NFIA: variants seen among roughly 807,000 people sequenced by gnomAD.
NFIA encodes nuclear factor I A.
A neutral mutation model predicts 62.8 loss-of-function variants in NFIA; 8 were observed. That is an observed-to-expected ratio of 0.13 (90% confidence interval 0.07 to 0.23). The LOEUF (loss-of-function observed/expected upper bound fraction) is 0.23. Ranked by LOEUF, NFIA falls within the 10% of genes least tolerant of loss-of-function variation. The probability of loss-of-function intolerance (pLI) is 1.00; values close to 1 mark genes in which losing one functional copy is unlikely to be tolerated. For synonymous variants in NFIA, 235 were observed against 238.1 expected (o/e 0.99, Z 0.12); for missense variants, 410 against 642.1 (o/e 0.64, Z 3.91).
At chr1:61,404,326 G>A (rs1007716245) in intron 8 of NFIA, 44 bp downstream of exon 8, 18 of 1,529,596 alleles carry the variant, frequency 1.2e-5, no homozygotes, top group African/African-American at 2.8e-5. Flanking sequence ...AATGTTAGCC[G>A]AATATAAAAA....
intron 3 of NFIA, among the ~76,000 whole-genome samples, chr1:61,308,588 G>C (rs1484850933): frequency 6.6e-6 from 1 of 152,172 alleles, no homozygotes; most frequent in Non-Finnish European, 1.5e-5. Flanking sequence ...GGTACAGTGA[G>C]GATGGTGCCC....
chr1:61,264,858 G>A (rs1657059931), intron 2 of NFIA, among the ~76,000 whole-genome samples: 1 of 152,064 alleles, frequency 6.6e-6, no homozygotes. Context: ...TGTAGATAGT[G>A]TACTTAGGTG....
intron 3 of NFIA, among the ~76,000 whole-genome samples, chr1:61,302,982 T>TA (rs1471647598): frequency 6.6e-6 from 1 of 152,242 alleles, no homozygotes; most frequent in Non-Finnish European, 1.5e-5. Context: ...CTCCACATTC[T>TA]AAAAATGCTT....
chr1:61,371,841 G>A (rs991478634), intron 6 of NFIA, among the ~76,000 whole-genome samples: 22 of 152,166 alleles, frequency 1.4e-4, no homozygotes, highest in African/African-American at 5.3e-4. Flanking sequence ...CAGCCTAGTT[G>A]TAGTGCCCAA....
chr1:61,243,004 G>C (rs539901481), intron 2 of NFIA, among the ~76,000 whole-genome samples: 1 of 151,752 alleles, frequency 6.6e-6, no homozygotes, highest in Admixed American at 6.6e-5. Context: ...GTGACTTTTC[G>C]GTCCTTTTTT....
chr1:61,194,436 C>A (rs914589775), intron 2 of NFIA, among the ~76,000 whole-genome samples: 1 of 152,114 alleles, frequency 6.6e-6, no homozygotes. Flanking sequence ...ATGTCTTTGC[C>A]TTGTATTTTG....
intron 2 of NFIA, among the ~76,000 whole-genome samples, chr1:61,177,254 C>T (rs541672438): frequency 1.3e-5 from 2 of 152,222 alleles, no homozygotes; most frequent in South Asian, 4.1e-4. Flanking sequence ...CTGTATTTCC[C>T]TCCTTCCCAC....
chr1:61,280,586 T>C (rs1412859999), intron 3 of NFIA, among the ~76,000 whole-genome samples: 1 of 152,238 alleles, frequency 6.6e-6, no homozygotes. Flanking sequence ...GGTAACACGC[T>C]GTTTCATCCC....
intron 2 of NFIA, among the ~76,000 whole-genome samples, chr1:61,178,003 A>G (rs1650508923): frequency 6.6e-6 from 1 of 152,164 alleles, no homozygotes; most frequent in South Asian, 2.1e-4. Flanking sequence ...GAATTGGTAT[A>G]TGGCACCTTA....
chr1:61,349,407 T>C (rs998006148), intron 4 of NFIA, among the ~76,000 whole-genome samples: 15 of 152,202 alleles, frequency 9.9e-5, no homozygotes, highest in African/African-American at 3.1e-4. Context: ...TATTTATTCT[T>C]AGAAATTGTT....
At chr1:61,309,126 T>C (rs964171477) in intron 3 of NFIA, among the ~76,000 whole-genome samples, 12 of 152,312 alleles carry the variant, frequency 7.9e-5, no homozygotes, top group African/African-American at 2.9e-4. Context: ...CAATTTTCCT[T>C]ACAAAGCCTT....
intron 2 of NFIA, among the ~76,000 whole-genome samples, chr1:61,195,932 A>G (rs1301195904): frequency 6.6e-6 from 1 of 152,170 alleles, no homozygotes; most frequent in Non-Finnish European, 1.5e-5. Context: ...CTTACAGAGT[A>G]ACTGAATTTT....
intron 4 of NFIA, among the ~76,000 whole-genome samples, chr1:61,348,079 T>C (rs1043787372): frequency 8.5e-5 from 13 of 152,194 alleles, no homozygotes; most frequent in Admixed American, 6.6e-5. Context: ...CTTCAGTTCT[T>C]CATGACCTGC....
intron 2 of NFIA, among the ~76,000 whole-genome samples, chr1:61,243,232 T>C (rs1325304903): frequency 6.6e-6 from 1 of 152,184 alleles, no homozygotes; most frequent in Admixed American, 6.6e-5. Context: ...TTCTGGAAAT[T>C]TCAACATAAA....
At chr1:61,426,637 A>C in intron 10 of NFIA, 81 bp downstream of exon 10, 1 of 1,079,558 alleles carries the variant, frequency 9.3e-7, no homozygotes, top group Non-Finnish European at 1.4e-6. Context: ...TTTGCACAAA[A>C]GGCCACATTT....
intron 2 of NFIA, among the ~76,000 whole-genome samples, chr1:61,261,660 A>C (rs1656781890): frequency 6.6e-6 from 1 of 152,224 alleles, no homozygotes; most frequent in South Asian, 2.1e-4. Flanking sequence ...AGGAGAAGAG[A>C]ACTCAGTAAG....
intron 2 of NFIA, among the ~76,000 whole-genome samples, chr1:61,107,737 C>CT (rs1646628680): frequency 6.6e-6 from 1 of 151,508 alleles, no homozygotes; most frequent in African/African-American, 2.4e-5. Context: ...TGAAGATATC[C>CT]TTTTTTACTC....
chr1:61,371,537 C>T (rs143398483), intron 6 of NFIA, among the ~76,000 whole-genome samples: 46 of 152,222 alleles, frequency 3.0e-4, no homozygotes, highest in African/African-American at 1.0e-3. Flanking sequence ...GCAGTACATT[C>T]GAAGACTTTT....
chr1:61,169,414 A>G (rs866120249), intron 2 of NFIA, among the ~76,000 whole-genome samples: 17 of 152,156 alleles, frequency 1.1e-4, no homozygotes, highest in Middle Eastern at 3.4e-3. Flanking sequence ...CCATCCTCAC[A>G]TCTCTGTCCA....
Sources: allele counts gnomAD v4.1 joint callset (sites outside exome capture counted in the v4.1 genomes callset), GRCh38; gene constraint gnomAD v4.1.1; transcripts MANE v1.5; gene names NCBI Gene and HGNC (gene_info 2026-07-23, HGNC 2026-07-21).